Variants in CNTN5 observed in about 807,000 individuals in gnomAD.
CNTN5 encodes contactin-5.
Under a neutral mutation model 129.1 loss-of-function variants are expected in CNTN5, and 77 were observed. That is an observed-to-expected ratio of 0.60 (90% confidence interval 0.50 to 0.72). CNTN5 has a LOEUF of 0.72. Ranked by LOEUF, CNTN5 falls within the 30% of genes least tolerant of loss-of-function variation. The pLI is 0.00. For synonymous variants in CNTN5, 509 were observed against 465.6 expected, an observed-to-expected ratio of 1.09 and a Z score of -1.20; for missense variants, 1,478 against 1,328.8, an observed-to-expected ratio of 1.11 and a Z score of -1.75.
At chr11:99,909,912 G>A (rs1454659083) in intron 6 of CNTN5, among the ~76,000 whole-genome samples, 1 of 151,936 alleles carries the variant, frequency 6.6e-6, no homozygotes, top group African/African-American at 2.4e-5. Flanking sequence ...GTATACATAT[G>A]TAACAAACCT....
At chr11:100,323,598 T>C (rs1324066470) in intron 21 of CNTN5, among the ~76,000 whole-genome samples, 1 of 151,900 alleles carries the variant, frequency 6.6e-6, no homozygotes, top group Admixed American at 6.6e-5. Context: ...GTAAGATCTG[T>C]GGGATATTTT....
At chr11:100,210,139 C>T (rs1948997092) in intron 15 of CNTN5, among the ~76,000 whole-genome samples, 1 of 141,086 alleles carries the variant, frequency 7.1e-6, no homozygotes, top group Non-Finnish European at 1.5e-5. Flanking sequence ...AGTTCGAGAT[C>T]AGCCTGGGCA....
chr11:99,620,746 GT>G (rs1341106283), intron 3 of CNTN5, among the ~76,000 whole-genome samples: 2 of 151,794 alleles, frequency 1.3e-5, no homozygotes, highest in Non-Finnish European at 2.9e-5. Flanking sequence ...CAATTTTATA[GT>G]GGTTTTCATT....
chr11:100,010,912 C>T (rs183827688), intron 9 of CNTN5, among the ~76,000 whole-genome samples: 2 of 152,098 alleles, frequency 1.3e-5, no homozygotes, highest in African/African-American at 4.8e-5. Context: ...GAGCTCCAGT[C>T]TCTTACCTTT....
chr11:100,337,375 C>T, intron 21 of CNTN5: 1 of 802,554 alleles, frequency 1.2e-6, no homozygotes, highest in South Asian at 1.3e-5. Context: ...GAACAGCCAG[C>T]CCTCAGCAGA....
intron 3 of CNTN5, among the ~76,000 whole-genome samples, chr11:99,709,070 T>G (rs2134936072): frequency 6.6e-6 from 1 of 151,976 alleles, no homozygotes; most frequent in Non-Finnish European, 1.5e-5. Context: ...TGTCTAAAAT[T>G]TTCTAAATGA....
chr11:99,021,819 C>A (rs1862883809), intron 1 of CNTN5, among the ~76,000 whole-genome samples: 1 of 152,088 alleles, frequency 6.6e-6, no homozygotes, highest in Admixed American at 6.5e-5. Flanking sequence ...GAGCTTTTTT[C>A]TAAAGGTTGT....
At chr11:99,735,909 C>T (rs922753763) in intron 3 of CNTN5, among the ~76,000 whole-genome samples, 10 of 152,046 alleles carry the variant, frequency 6.6e-5, no homozygotes, top group African/African-American at 2.2e-4. Flanking sequence ...AAACTTTGTA[C>T]ACCTTGACCA....
At chr11:99,157,335 G>A (rs1277324944) in intron 1 of CNTN5, among the ~76,000 whole-genome samples, 2 of 151,842 alleles carry the variant, frequency 1.3e-5, no homozygotes, top group Non-Finnish European at 2.9e-5. Context: ...CTGTTATATA[G>A]ACTTCTGTGA....
intron 13 of CNTN5, among the ~76,000 whole-genome samples, chr11:100,130,952 A>C (rs1366056107): frequency 2.0e-5 from 3 of 152,152 alleles, no homozygotes; most frequent in African/African-American, 7.2e-5. Flanking sequence ...ATGGCTTTTC[A>C]GTTAGAATTG....
At chr11:99,890,678 G>T (rs1168299652) in intron 6 of CNTN5, among the ~76,000 whole-genome samples, 1 of 152,112 alleles carries the variant, frequency 6.6e-6, no homozygotes, top group Admixed American at 6.5e-5. Context: ...CCCTCATGGA[G>T]ACAAAAACCA....
At chr11:99,162,942 T>C (rs1363711281) in intron 1 of CNTN5, among the ~76,000 whole-genome samples, 1 of 152,192 alleles carries the variant, frequency 6.6e-6, no homozygotes, top group African/African-American at 2.4e-5. Context: ...AGAAACACAG[T>C]GAATTTGGTC....
At chr11:99,455,766 G>A (rs2135212533) in intron 2 of CNTN5, among the ~76,000 whole-genome samples, 1 of 152,162 alleles carries the variant, frequency 6.6e-6, no homozygotes, top group Non-Finnish European at 1.5e-5. Flanking sequence ...CTGATAGTAA[G>A]AAGAAAAGGG....
intron 3 of CNTN5, among the ~76,000 whole-genome samples, chr11:99,586,947 C>T (rs894818025): frequency 1.3e-5 from 2 of 152,160 alleles, no homozygotes; most frequent in Non-Finnish European, 2.9e-5. Context: ...AGAGAATCAT[C>T]AACAATAGTC....
At chr11:100,262,481 A>G (rs1950219316) in intron 17 of CNTN5, among the ~76,000 whole-genome samples, 1 of 152,206 alleles carries the variant, frequency 6.6e-6, no homozygotes, top group African/African-American at 2.4e-5. Flanking sequence ...CTATAAAGAC[A>G]CATGAACATG....
At chr11:100,251,631 C>CT (rs574389342) in intron 16 of CNTN5, among the ~76,000 whole-genome samples, 17 of 151,810 alleles carry the variant, frequency 1.1e-4, no homozygotes, top group South Asian at 4.2e-4. Flanking sequence ...CTATGAGATC[C>CT]TTTTTTTTAG....
chr11:99,325,712 AAC>A (rs1305284175), intron 2 of CNTN5, among the ~76,000 whole-genome samples: 1 of 152,190 alleles, frequency 6.6e-6, no homozygotes, highest in Non-Finnish European at 1.5e-5. Context: ...TTAAAAGTGA[AAC>A]ACAGTAAAAT....
intron 3 of CNTN5, among the ~76,000 whole-genome samples, chr11:99,741,612 A>G (rs1049248996): frequency 1.8e-4 from 27 of 152,274 alleles, no homozygotes; most frequent in Admixed American, 2.0e-4. Context: ...TAACTGTTCA[A>G]TGAAGTTAAC....
chr11:99,984,057 C>T (rs1434656023), intron 8 of CNTN5, among the ~76,000 whole-genome samples: 2 of 152,126 alleles, frequency 1.3e-5, no homozygotes, highest in South Asian at 4.2e-4. Flanking sequence ...CACTTGAGGT[C>T]AGGAGTTTGA....
Sources: allele counts gnomAD v4.1 joint callset (sites outside exome capture counted in the v4.1 genomes callset), GRCh38; gene constraint gnomAD v4.1.1; transcripts MANE v1.5; gene names NCBI Gene and HGNC (gene_info 2026-07-23, HGNC 2026-07-21).